The following FGF14 variants were observed in gnomAD, a reference collection of about 807,000 sequenced individuals.
The protein encoded by FGF14 is fibroblast growth factor 14, also known as fibroblast growth factor homologous factor 4.
A neutral mutation model predicts 25.5 loss-of-function variants in FGF14; 5 were observed. The observed-to-expected ratio is 0.20, with a 90% CI of 0.10 to 0.41. The LOEUF (loss-of-function observed/expected upper bound fraction) is 0.41. Ranked by LOEUF, FGF14 falls within the 10% of genes least tolerant of loss-of-function variation. FGF14 has a pLI of 1.00. For synonymous variants in FGF14, 138 were observed against 118.3 expected (o/e 1.17, Z -1.08); for missense variants, 222 against 320.1 (o/e 0.69, Z 2.34).
intron 3 of FGF14, among the ~76,000 whole-genome samples, chr13:101,780,263 T>G (rs1164626913): frequency 1.3e-5 from 2 of 152,204 alleles, no homozygotes; most frequent in Non-Finnish European, 2.9e-5. Context: ...CTACAAACTG[T>G]GTGGAGTTAG....
intron 1 of FGF14, among the ~76,000 whole-genome samples, chr13:102,068,895 A>G (rs1271719701): frequency 6.6e-6 from 1 of 151,892 alleles, no homozygotes; most frequent in East Asian, 2.0e-4. Flanking sequence ...CTCCACCTGC[A>G]GCCCCAGTGC....
intron 3 of FGF14, among the ~76,000 whole-genome samples, chr13:101,739,475 C>A (rs187960494): frequency 1.3e-5 from 2 of 152,182 alleles, no homozygotes; most frequent in African/African-American, 4.8e-5. Context: ...ATAGATAAAT[C>A]TGGCCTAGCT....
intron 3 of FGF14, among the ~76,000 whole-genome samples, chr13:101,780,417 T>C (rs2039418535): frequency 6.6e-6 from 1 of 152,176 alleles, no homozygotes; most frequent in South Asian, 2.1e-4. Context: ...AACTTTTTTT[T>C]CTAAGAAATT....
intron 1 of FGF14, among the ~76,000 whole-genome samples, chr13:102,198,555 TG>T (rs2049472704): frequency 6.6e-6 from 1 of 152,128 alleles, no homozygotes; most frequent in South Asian, 2.1e-4. Flanking sequence ...AGGCAATTTA[TG>T]GGAAAATTGA....
intron 1 of FGF14, among the ~76,000 whole-genome samples, chr13:102,161,644 AAGAAGAAGAAG>A (rs2047728095): frequency 1.2e-4 from 2 of 17,024 alleles, no homozygotes; most frequent in Admixed American, 9.2e-4. Context: ...GAAGAAGAAG[AAGAAGAAGAAG>A]AAGAAGAAGA....
intron 1 of FGF14, among the ~76,000 whole-genome samples, chr13:101,981,001 GGA>G (rs2038215939): frequency 6.6e-6 from 1 of 150,576 alleles, no homozygotes; most frequent in Non-Finnish European, 1.5e-5. Flanking sequence ...TAAGACTTTG[GGA>G]GGCTGAGGTG....
rs750943809 is a variant in FGF14 at position 101,916,667 on chromosome 13, G to A, written c.-22C>T. The A allele has an allele frequency of 1.3e-6, 2 of 1,498,460 alleles. No homozygotes were observed. The highest frequency in any genetic ancestry group is 1.4e-5 in the African/African-American group (1 of 71,630). 92.8% of individuals were successfully genotyped at this position (1,498,460 alleles called of 1,614,324 possible). A position where few individuals can be genotyped will look rare whatever the true frequency, so the allele number is the denominator to read the frequency against. On this transcript the variant is annotated 5_prime_UTR_variant, in exon 1 of 5. Transcript: ENST00000376143. ...CCATGGTGGCCCCGGGAACGGGTCCGGGGAGGGAGGGCGCGGGAGGACGGC... is the reference window on the plus strand; with the variant it reads ...CCATGGTGGCCCCGGGAACGGGTCCAGGGAGGGAGGGCGCGGGAGGACGGC...
chr13:102,112,668 G>A (rs2045290150), intron 1 of FGF14, among the ~76,000 whole-genome samples: 1 of 152,096 alleles, frequency 6.6e-6, no homozygotes, highest in Non-Finnish European at 1.5e-5. Flanking sequence ...ATGGTTCTGG[G>A]ATATCTTAAT....
chr13:102,144,000 A>G (rs576634172), intron 1 of FGF14, among the ~76,000 whole-genome samples: 1 of 152,276 alleles, frequency 6.6e-6, no homozygotes, highest in East Asian at 1.9e-4. Flanking sequence ...AAGCCAAAAT[A>G]TGACACAGCA....
At chr13:102,349,356 T>C (rs886876583) in intron 1 of FGF14, among the ~76,000 whole-genome samples, 5 of 151,830 alleles carry the variant, frequency 3.3e-5, no homozygotes, top group Admixed American at 3.3e-4. Context: ...CTGCTCTCCA[T>C]AGGCTCAATT....
rs74679781 is a variant in FGF14 at position 102,230,507 on chromosome 13, A to G, written c.208+170964T>C. ...GGGAGTACAAAGGAAAAAGTGGTTC[A>G]TTTATACCAGCTCCCCCTTCCTAGC... On this transcript the variant is annotated intron_variant, in intron 1 of 4. Coordinates refer to the FGF14 transcript ENST00000376131. 1.2e-3 allele frequency among the ~76,000 whole-genome samples: 178 copies of G among 152,276 alleles called. 2 individuals are homozygous for G. The East Asian group carries it at 0.032, about 27-fold the overall frequency.
At chr13:102,050,580 T>C (rs996894968) in intron 1 of FGF14, among the ~76,000 whole-genome samples, 1 of 152,164 alleles carries the variant, frequency 6.6e-6, no homozygotes, top group African/African-American at 2.4e-5. Flanking sequence ...ACAGATTCCT[T>C]AAGACTCAAT....
intron 3 of FGF14, chr13:101,802,011 G>A: frequency 2.3e-6 from 1 of 438,658 alleles, no homozygotes. Flanking sequence ...TTCAAGATGT[G>A]CTCCGACAGG....
intron 1 of FGF14, among the ~76,000 whole-genome samples, chr13:101,930,216 A>T (rs1262640608): frequency 6.6e-6 from 1 of 152,156 alleles, no homozygotes; most frequent in Non-Finnish European, 1.5e-5. Context: ...CCCAACAAAA[A>T]CAACAACAAA....
chr13:102,332,689 T>C (rs1199228996), intron 1 of FGF14, among the ~76,000 whole-genome samples: 1 of 152,140 alleles, frequency 6.6e-6, no homozygotes, highest in Non-Finnish European at 1.5e-5. Context: ...TCCTCTCAAG[T>C]GCTGGTTGAA....
At chr13:102,273,195 G>A (rs767093739) in intron 1 of FGF14, among the ~76,000 whole-genome samples, 20 of 152,256 alleles carry the variant, frequency 1.3e-4, no homozygotes, top group South Asian at 8.3e-4. Context: ...GTTCAAGCCC[G>A]TGCTGAGTAA....
chr13:101,949,728 C>T (rs755466393), intron 1 of FGF14, among the ~76,000 whole-genome samples: 1 of 152,148 alleles, frequency 6.6e-6, no homozygotes, highest in Non-Finnish European at 1.5e-5. Context: ...CTGTGGGATA[C>T]ACTAAGTTTT....
intron 1 of FGF14, chr13:102,394,521 A>G (rs1306275977): frequency 1.3e-5 from 2 of 152,374 alleles, no homozygotes; most frequent in African/African-American, 2.4e-5. Context: ...CATAGCAACA[A>G]CAGCACAAGC....
intron 1 of FGF14, among the ~76,000 whole-genome samples, chr13:101,908,180 G>T (rs985267885): frequency 6.6e-6 from 1 of 152,150 alleles, no homozygotes; most frequent in African/African-American, 2.4e-5. Context: ...TGAGGTTATT[G>T]ACTGTGAATT....
Sources: allele counts gnomAD v4.1 joint callset (sites outside exome capture counted in the v4.1 genomes callset), GRCh38; gene constraint gnomAD v4.1.1; transcripts MANE v1.5; gene names NCBI Gene and HGNC (gene_info 2026-07-23, HGNC 2026-07-21).